The following GPI variants were observed in gnomAD, a reference collection of about 807,000 sequenced individuals.
GPI encodes the protein glucose-6-phosphate isomerase.
A neutral mutation model predicts 75.8 loss-of-function variants in GPI; 56 were observed. That is an observed-to-expected ratio of 0.74 (90% CI 0.60 to 0.92). The LOEUF (loss-of-function observed/expected upper bound fraction) is 0.92, where lower values mean the gene tolerates loss of function less well. Among genes scored for constraint, GPI ranks in the 40% least tolerant of loss-of-function variants. GPI has a pLI of 0.00. For missense variants in GPI, 638 were observed against 741.0 expected, an observed-to-expected ratio of 0.86 and a Z score of 1.61; for synonymous variants, 288 against 285.4, an observed-to-expected ratio of 1.01 and a Z score of -0.09.
rs146587917 is a variant in GPI, at chr19:34,398,941, G to A, written c.1270-266G>A. 4.0e-5 allele frequency: 13 copies of A among 326,118 alleles called. No individual in the cohort carries two copies. The East Asian group carries it at 4.9e-4, about 12-fold the overall frequency. The allele number at this position is 326,118 out of a possible 1,614,324, so 20.2% of individuals were successfully genotyped here. A position where few individuals can be genotyped will look rare whatever the true frequency, so the allele number is the denominator to read the frequency against. On this transcript the variant is annotated intron_variant, in intron 14 of 17. Coordinates refer to ENST00000356487, the MANE Select transcript of GPI (RefSeq NM_000175.5). ...AGGCTGGTCTCGAGCTCCTGACCTC[G>A]TGGTCCATCCGCCTCGGCCTCCCAA...
At chr19:34,382,161 A>G (rs988578016) in intron 9 of GPI, among the ~76,000 whole-genome samples, 5 of 152,158 alleles carry the variant, frequency 3.3e-5, no homozygotes, top group African/African-American at 1.2e-4. Flanking sequence ...CCCAGGGTGC[A>G]GGGGTGCAGT....
rs1279922873 is a variant in GPI, at chr19:34,393,139, C to T, written c.805-109C>T. The T allele has an allele frequency of 1.1e-6, 1 of 882,332 alleles. No individual in the cohort carries two copies. Among genetic ancestry groups the T allele is most frequent in the Non-Finnish European group, 1.9e-6 (1 of 523,510 alleles). The allele number at this position is 882,332 out of a possible 1,614,324, so 54.7% of individuals were successfully genotyped here. ...CTTGCTTCCTGGAGGTGGGTTGGGC[C>T]AGGGCCCTCCGAGACGCCCCTGTGC... is the stretch of plus-strand genomic sequence containing the variant. On this transcript the variant is annotated intron_variant, in intron 9 of 17. Coordinates refer to ENST00000356487, the MANE Select transcript of GPI (RefSeq NM_000175.5). The surrounding 1 kb of genome is among the most constrained non-coding windows in gnomAD (Gnocchi z 4.4).
intron 12 of GPI, among the ~76,000 whole-genome samples, 160 bp downstream of exon 12, chr19:34,394,226 A>G (rs1388287067): frequency 6.6e-6 from 1 of 151,942 alleles, no homozygotes; most frequent in Non-Finnish European, 1.5e-5. Flanking sequence ...GAATCTTTGT[A>G]ACTGAGGTTG....
chr19:34,361,328 G>A (rs547429076), upstream of GPI, among the ~76,000 whole-genome samples: 104 of 152,136 alleles, frequency 6.8e-4, no homozygotes, highest in Non-Finnish European at 1.2e-3. Context: ...TCCTGAACTC[G>A]TGATCCACCC....
chr19:34,399,137 C>A, intron 14 of GPI, 70 bp from the exon 15 acceptor site: 1 of 1,511,726 alleles, frequency 6.6e-7, no homozygotes, highest in Non-Finnish European at 9.0e-7. Flanking sequence ...TGAGAAGTAC[C>A]AGGCGGTCTT....
At chr19:34,378,823 C>G (rs538761411) in intron 6 of GPI, 111 bp from the exon 7 acceptor site, 18 of 797,744 alleles carry the variant, frequency 2.3e-5, no homozygotes, top group South Asian at 2.1e-4. Flanking sequence ...CCTGCAAATA[C>G]TGCTCCATGG....
intron 4 of GPI, among the ~76,000 whole-genome samples, chr19:34,375,144 CTT>C (rs572414870): frequency 2.1e-5 from 3 of 141,476 alleles, no homozygotes; most frequent in Non-Finnish European, 1.5e-5. Context: ...CAGCAATACA[CTT>C]TTTTTTTTTT....
At chr19:34,399,692 G>C in intron 16 of GPI, 27 bp from the exon 17 acceptor site, 1 of 1,613,758 alleles carries the variant, frequency 6.2e-7, no homozygotes, top group Non-Finnish European at 8.5e-7. Context: ...GTGGAGCCCT[G>C]ATGTGCCCTG....
chr19:34,381,216 A>G (rs1159433127), intron 8 of GPI: 2 of 575,774 alleles, frequency 3.5e-6, no homozygotes, highest in East Asian at 3.0e-5. Flanking sequence ...AGCTGCCCTC[A>G]GCAGGGGGCT....
At chr19:34,363,692 C>T (rs529276808), upstream of GPI, among the ~76,000 whole-genome samples, 13 of 152,150 alleles carry the variant, frequency 8.5e-5, 1 homozygote, top group South Asian at 2.3e-3. Context: ...TGGTGGCGTG[C>T]GCCTGTAGTC....
Position 34,377,761 on chromosome 19 carries a change from T to A in GPI, c.513T>A (p.Leu171=). The part of the protein sequence containing the change: ...DLGPLMVTEA[L]KPYSSGGPRV... Reference sequence around the variant, plus strand: ...GACCCCTCATGGTGACTGAAGCCCTTAAGCCATACTCTTCAGGAGGTCCCC... The same window carrying A: ...GACCCCTCATGGTGACTGAAGCCCTAAAGCCATACTCTTCAGGAGGTCCCC... Residue 171 remains leucine (L), a synonymous_variant, in exon 6 of 18, where the codon CTT becomes CTA. Transcript: ENST00000356487. 6.2e-7 allele frequency: 1 copy of A among 1,613,928 alleles called. No individual in the cohort carries two copies. The highest frequency in any genetic ancestry group is 8.5e-7 in the Non-Finnish European group (1 of 1,179,834).
chr19:34,377,838 C>T lies in GPI; in HGVS notation c.590C>T (p.Ala197Val). Residue 197 changes from alanine (A) to valine (V), a missense_variant, in exon 6 of 18, where the codon GCC becomes GTC. Transcript: ENST00000356487. The part of the protein sequence containing the change: ...IDGTHIAKTL[A>V]QLNPESSLFI... ...GGAACTCACATTGCCAAAACCCTGG[C>T]CCAGCTGAACCCCGAGTCCTCCCTG... is the stretch of plus-strand genomic sequence containing the variant. The T allele has an allele frequency of 6.2e-7, 1 of 1,614,128 alleles. No individual in the cohort carries two copies. The highest frequency in any genetic ancestry group is 8.5e-7 in the Non-Finnish European group (1 of 1,179,978).
At chr19:34,381,632 G>T in intron 9 of GPI, 113 bp downstream of exon 9, 1 of 833,386 alleles carries the variant, frequency 1.2e-6, no homozygotes, top group Admixed American at 1.7e-5. Context: ...TGCATACCTA[G>T]CTTGGGGAAA....
Position 34,393,769 on chromosome 19 carries a change from A to G in GPI, c.907A>G (p.Met303Val). ...GCAGCTGCTCTCGGGGGCTCACTGG[A>G]TGGTGAGTGCTGAGGCTGGTTCTCT... is the stretch of plus-strand genomic sequence containing the variant. ...FEQLLSGAHWMDQHFRTTPLE... is the reference protein window; with the variant it reads ...FEQLLSGAHWVDQHFRTTPLE... The change falls in exon 11 of 18, where the codon ATG (methionine) becomes GTG (valine). Residue 303 changes from methionine (M) to valine (V), a missense_variant and splice_region_variant. Physicochemically the swap from Met to Val is conservative, Grantham distance 21. Transcript: ENST00000356487. This position sits in a 1 kb window ranked among gnomAD's most constrained non-coding sequence, Gnocchi z 4.4. The G allele has an allele frequency of 3.7e-6, 6 of 1,612,894 alleles. No homozygotes were observed. The highest frequency in any genetic ancestry group is 5.1e-6 in the Non-Finnish European group (6 of 1,179,850).
intron 8 of GPI, chr19:34,381,041 T>C: frequency 3.1e-6 from 1 of 324,540 alleles, no homozygotes; most frequent in African/African-American, 2.1e-5. Flanking sequence ...CTGTTCAGCC[T>C]GTGTTTGTTT....
intron 9 of GPI, among the ~76,000 whole-genome samples, chr19:34,388,985 G>A (rs1205289141): frequency 6.6e-6 from 1 of 151,828 alleles, no homozygotes; most frequent in Non-Finnish European, 1.5e-5. Flanking sequence ...CCCAGCTACT[G>A]GGGAGGCTGA....
chr19:34,392,997 G>A, intron 9 of GPI: 1 of 547,992 alleles, frequency 1.8e-6, no homozygotes, highest in South Asian at 1.9e-5. Flanking sequence ...GCAGAGACAG[G>A]GCCCGACATC....
At chr19:34,363,651 C>G (rs1568321156), upstream of GPI, among the ~76,000 whole-genome samples, 1 of 152,170 alleles carries the variant, frequency 6.6e-6, no homozygotes, top group Non-Finnish European at 1.5e-5. Flanking sequence ...GAAACTCCAT[C>G]TCTACTAAAA....
chr19:34,386,282 C>G (rs2145392191), intron 9 of GPI, among the ~76,000 whole-genome samples: 1 of 151,048 alleles, frequency 6.6e-6, no homozygotes, highest in East Asian at 1.9e-4. Flanking sequence ...CAGGTTCAAG[C>G]ACAGGTAGGT....
Sources: gnomAD v4.1 joint callset for allele counts (sites outside exome capture counted in the v4.1 genomes callset) on GRCh38, gnomAD v4.1.1 for gene constraint, Gnocchi (gnomAD v3.1) non-coding constraint, MANE v1.5 for transcripts, NCBI Gene and HGNC (gene_info 2026-07-23, HGNC 2026-07-21) for gene names.